Variants in SERPINA1 observed in about 807,000 individuals in gnomAD.
SERPINA1 encodes the protein serpin family A member 1, also known as alpha-1-antitrypsin.
In SERPINA1, 21 loss-of-function variants were observed where a neutral mutation model predicts 25.4. The observed-to-expected ratio is 0.83, with a 90% CI of 0.59 to 1.19. The LOEUF (loss-of-function observed/expected upper bound fraction) is 1.19. Among genes scored for constraint, SERPINA1 ranks in the 50% most tolerant of loss-of-function variants. The pLI is 0.00. For missense variants in SERPINA1, 546 were observed against 509.0 expected, an observed-to-expected ratio of 1.07 and a Z score of -0.70; for synonymous variants, 218 against 211.1, an observed-to-expected ratio of 1.03 and a Z score of -0.29.
Position 94,382,573 on chromosome 14 carries a change from G to A in SERPINA1, c.646+19C>T, listed in dbSNP as rs1010624855. 3 of 1,614,194 alleles carry A rather than the reference G, an allele frequency of 1.9e-6. No homozygotes were observed. Among genetic ancestry groups the A allele is most frequent in the Non-Finnish European group, 2.5e-6 (3 of 1,180,008 alleles). On this transcript the variant is annotated intron_variant, in intron 2 of 4. Transcript: ENST00000393087. ...GCTTGTTTCTATGGGAACAGCTCAG[G>A]CTGGTTGAGCAACCTTACCTTTAAA... is the stretch of plus-strand genomic sequence containing the variant.
At chr14:94,380,828 A>T (rs1896846174) in intron 3 of SERPINA1, 43 bp downstream of exon 3, 1 of 1,613,666 alleles carries the variant, frequency 6.2e-7, no homozygotes, top group African/African-American at 1.3e-5. Context: ...CATGGCTAAG[A>T]GGTGTGGGCA....
rs1448214480 is a variant in SERPINA1 at position 94,383,177 on chromosome 14, C to G, written c.61G>C (p.Val21Leu). The change falls in exon 2 of 5, where the codon GTC (valine) becomes CTC (leucine). Residue 21 changes from valine to leucine, a missense_variant. Coordinates refer to ENST00000393087, the MANE Select transcript of SERPINA1 (RefSeq NM_000295.5). Reference sequence around the variant, plus strand: ...CCCTGGGGATCCTCAGCCAGGGAGACAGGGACCAGGCAGCACAGGCCTGCC... The same window carrying G: ...CCCTGGGGATCCTCAGCCAGGGAGAGAGGGACCAGGCAGCACAGGCCTGCC... The part of the protein sequence containing the change: ...LLAGLCCLVP[V>L]SLAEDPQGDA... 4.3e-6 allele frequency: 7 copies of G among 1,614,156 alleles called. No individual in the cohort carries two copies. The East Asian group carries it at 1.6e-4, about 36-fold the overall frequency.
chr14:94,381,051 T>G lies in SERPINA1; in HGVS notation c.737A>C (p.Lys246Thr), dbSNP rs864622054. The change falls in exon 3 of 5, where the codon AAG (lysine) becomes ACG (threonine). Residue 246 changes from lysine (K) to threonine (T), a missense_variant. By Grantham distance (78) the Lys-to-Thr change is moderately conservative. Transcript: ENST00000393087. The part of the protein sequence containing the change: ...QVTTVKVPMM[K>T]RLGMFNIQHC... ...CTGGATGTTAAACATGCCTAAACGCTTCATCATAGGCACCTTCACGGTGGT... is the reference window on the plus strand; with the variant it reads ...CTGGATGTTAAACATGCCTAAACGCGTCATCATAGGCACCTTCACGGTGGT... 1 of 1,613,956 alleles carries G rather than the reference T, an allele frequency of 6.2e-7. No individual in the cohort carries two copies. Among genetic ancestry groups the G allele is most frequent in the Non-Finnish European group, 8.5e-7 (1 of 1,179,984 alleles).
intron 1 of SERPINA1, chr14:94,383,891 T>C (rs1566759899): frequency 6.6e-6 from 1 of 152,582 alleles, no homozygotes; most frequent in Non-Finnish European, 1.5e-5. Context: ...GGGCTGTGAT[T>C]AAACCTCCTG....
chr14:94,379,588 T>G lies in SERPINA1; in HGVS notation c.941A>C (p.Lys314Thr). Residue 314 changes from lysine (K) to threonine (T), a missense_variant, in exon 4 of 5, where the codon AAA (lysine) becomes ACA (threonine). Physicochemically the swap from Lys to Thr is moderately conservative, Grantham distance 78. Coordinates refer to ENST00000393087, the MANE Select transcript of SERPINA1 (RefSeq NM_000295.5). ...ATCATAGGTTCCAGTAATGGACAGT[T>G]TGGGTAAATGTAAGCTGGCAGACCT... The part of the protein sequence containing the change: ...DRRSASLHLP[K>T]LSITGTYDLK... 3 of 1,614,200 alleles carry G rather than the reference T, an allele frequency of 1.9e-6. No homozygotes were observed. Among genetic ancestry groups the G allele is most frequent in the Non-Finnish European group, 2.5e-6 (3 of 1,180,038 alleles).
rs1012078675 is a variant in SERPINA1, at chr14:94,377,025, C to T, written c.*1424G>A. 1.3e-5 allele frequency: 2 copies of T among 152,162 alleles called. No homozygotes were observed. The highest frequency in any genetic ancestry group is 2.9e-5 in the Non-Finnish European group (2 of 68,042). The allele number at this position is 152,162 out of a possible 1,614,324, so 9.4% of individuals were successfully genotyped here. ...GAGTGAAAGGCTGTCAGTGAGTAAG[C>T]TTAAGAGAACAGGAGACTTGTGTGG... On this transcript the variant is annotated 3_prime_UTR_variant, in exon 5 of 5. Transcript: ENST00000393087.
chr14:94,379,102 C>A, intron 4 of SERPINA1: 1 of 567,966 alleles, frequency 1.8e-6, no homozygotes, highest in Non-Finnish European at 3.1e-6. Flanking sequence ...AATTCAGACA[C>A]CAAATCTCAC....
chr14:94,380,051 C>T (rs1896769876), intron 3 of SERPINA1, among the ~76,000 whole-genome samples: 1 of 152,382 alleles, frequency 6.6e-6, no homozygotes, highest in South Asian at 2.1e-4. Context: ...GGAGACAATG[C>T]CACCCTGAGC....
chr14:94,388,760 G>A (rs750446620), upstream of SERPINA1: 1 of 152,318 alleles, frequency 6.6e-6, no homozygotes, highest in African/African-American at 2.4e-5. Flanking sequence ...ACGCTGCCCG[G>A]ACGCTTTGCC....
chr14:94,382,512 G>A, intron 2 of SERPINA1, 80 bp downstream of exon 2: 2 of 1,567,352 alleles, frequency 1.3e-6, no homozygotes, highest in Non-Finnish European at 1.8e-6. Flanking sequence ...GCATTGCCAA[G>A]GAGAGTTCAA....
rs1131139 is a variant in SERPINA1 at position 94,378,624 on chromosome 14, A to C, written c.1082T>G (p.Val361Gly). The change falls in exon 5 of 5, where the codon GTG becomes GGG. Residue 361 changes from valine (V) to glycine (G), a missense_variant. Coordinates refer to ENST00000393087, the MANE Select transcript of SERPINA1 (RefSeq NM_000295.5). The part of the protein sequence containing the change: ...LKLSKAVHKA[V>G]LTIDEKGTEA... Reference sequence around the variant, plus strand: ...AGTCCCTTTCTCGTCGATGGTCAGCACAGCCTTATGCACGGCCTGGAGGGG... The same window carrying C: ...AGTCCCTTTCTCGTCGATGGTCAGCCCAGCCTTATGCACGGCCTGGAGGGG... 2 of 1,614,156 alleles carry C rather than the reference A, an allele frequency of 1.2e-6. No individual in the cohort carries two copies. Among genetic ancestry groups the C allele is most frequent in the African/African-American group, 1.3e-5 (1 of 75,034 alleles).
At chr14:94,385,325 CAT>C (rs959961431) in intron 1 of SERPINA1, among the ~76,000 whole-genome samples, 4 of 152,234 alleles carry the variant, frequency 2.6e-5, no homozygotes, top group African/African-American at 9.6e-5. Context: ...TGTACACTAA[CAT>C]AGGTTTTTGG....
At chr14:94,388,086 A>G (rs1053049128) in intron 1 of SERPINA1, among the ~76,000 whole-genome samples, 2 of 151,960 alleles carry the variant, frequency 1.3e-5, no homozygotes, top group African/African-American at 2.4e-5. Context: ...CCCTCTCTGG[A>G]CCTTAACCTC....
chr14:94,382,641 C>G lies in SERPINA1; in HGVS notation c.597G>C (p.Glu199Asp). 1 of 1,614,240 alleles carries G rather than the reference C, an allele frequency of 6.2e-7. No individual in the cohort carries two copies. Among genetic ancestry groups the G allele is most frequent in the South Asian group, 1.1e-5 (1 of 91,086 alleles). ...TQGKIVDLVK[E>D]LDRDTVFALV... ...GAGCAAAAACTGTGTCTCTGTCAAG[C>G]TCCTTGACCAAATCCACAATTTTCC... The change falls in exon 2 of 5, where the codon GAG becomes GAC. Residue 199 changes from glutamate (E) to aspartate (D), a missense_variant. Glu to Asp is a conservative substitution (Grantham distance 45, BLOSUM62 2). Coordinates refer to ENST00000393087, the MANE Select transcript of SERPINA1 (RefSeq NM_000295.5).
intron 1 of SERPINA1, among the ~76,000 whole-genome samples, chr14:94,386,806 T>G (rs922160277): frequency 4.6e-5 from 7 of 152,328 alleles, no homozygotes; most frequent in African/African-American, 1.7e-4. Flanking sequence ...TGCCTAACCC[T>G]ATGCTAAGCA....
intron 1 of SERPINA1, chr14:94,383,554 T>C (rs1275824409): frequency 2.3e-6 from 1 of 443,158 alleles, no homozygotes; most frequent in Non-Finnish European, 4.1e-6. Context: ...TTAGGTCAGC[T>C]ATTCAATGTC....
chr14:94,380,754 A>T, intron 3 of SERPINA1, 117 bp downstream of exon 3: 1 of 1,316,728 alleles, frequency 7.6e-7, no homozygotes, highest in East Asian at 2.3e-5. Flanking sequence ...AGTAGCAGTG[A>T]CCCAGGGATG....
upstream of SERPINA1, among the ~76,000 whole-genome samples, chr14:94,390,196 G>C (rs1397314442): frequency 6.6e-6 from 1 of 152,142 alleles, no homozygotes; most frequent in Admixed American, 6.5e-5. Flanking sequence ...TTCTCTCTGA[G>C]CTCCCTTCCC....
intron 4 of SERPINA1, 41 bp from the exon 5 acceptor site, chr14:94,378,681 C>A (rs748523569): frequency 3.2e-6 from 5 of 1,582,900 alleles, no homozygotes; most frequent in Non-Finnish European, 4.3e-6. Context: ...AAGGCTGATC[C>A]CAGGCCTCGA....
Sources: allele counts gnomAD v4.1 joint callset (sites outside exome capture counted in the v4.1 genomes callset), GRCh38; gene constraint gnomAD v4.1.1; transcripts MANE v1.5; gene names NCBI Gene and HGNC (gene_info 2026-07-23, HGNC 2026-07-21).